Variants in LRP1B observed in about 807,000 individuals in gnomAD.
LRP1B encodes the protein LDL receptor related protein 1B, also known as low-density lipoprotein receptor-related protein 1B.
LRP1B carries 217 observed loss-of-function variants against 556.6 expected under a neutral mutation model. The ratio of observed to expected loss-of-function variants is 0.39; its 90% confidence interval spans 0.35 to 0.44. LRP1B has a LOEUF of 0.44. Ranked by LOEUF, LRP1B falls within the 20% of genes least tolerant of loss-of-function variation. The pLI, the probability that LRP1B is intolerant of heterozygous loss-of-function variation, is 1.00. For synonymous variants in LRP1B, 2,047 were observed against 1,865.8 expected, an observed-to-expected ratio of 1.10 and a Z score of -2.50; for missense variants, 5,053 against 5,620.8, an observed-to-expected ratio of 0.90 and a Z score of 3.23.
chr2:140,663,458 C>G (rs1460080038), intron 41 of LRP1B, among the ~76,000 whole-genome samples: 1 of 152,170 alleles, frequency 6.6e-6, no homozygotes, highest in Admixed American at 6.5e-5. Flanking sequence ...TACATCAGTA[C>G]TTGCTGCTTC....
intron 20 of LRP1B, among the ~76,000 whole-genome samples, chr2:140,923,366 T>G (rs552733523): frequency 6.6e-5 from 10 of 152,172 alleles, no homozygotes; most frequent in African/African-American, 2.4e-4. Flanking sequence ...GATAAAATGA[T>G]GTTTCTTGCC....
At chr2:140,967,467 C>A (rs532993194) in intron 18 of LRP1B, among the ~76,000 whole-genome samples, 1 of 152,142 alleles carries the variant, frequency 6.6e-6, no homozygotes, top group Non-Finnish European at 1.5e-5. Context: ...TCTAAATATA[C>A]AATCATGTCA....
intron 2 of LRP1B, among the ~76,000 whole-genome samples, chr2:141,537,317 C>T (rs1030680086): frequency 6.6e-6 from 1 of 151,906 alleles, no homozygotes; most frequent in African/African-American, 2.4e-5. Context: ...AAATAAATAA[C>T]AAAACAGCAG....
chr2:140,234,249 T>A (rs1475909470), intron 90 of LRP1B, among the ~76,000 whole-genome samples: 1 of 151,310 alleles, frequency 6.6e-6, no homozygotes, highest in East Asian at 2.0e-4. Context: ...TGCATATTTT[T>A]ATTCCTCTTC....
chr2:140,544,495 C>T (rs1243894190), intron 43 of LRP1B, among the ~76,000 whole-genome samples: 1 of 152,048 alleles, frequency 6.6e-6, no homozygotes, highest in Non-Finnish European at 1.5e-5. Context: ...TCCAGTGGGT[C>T]CCAGTGTCTA....
intron 2 of LRP1B, among the ~76,000 whole-genome samples, chr2:141,773,288 A>T (rs1694959125): frequency 6.6e-6 from 1 of 152,200 alleles, no homozygotes; most frequent in African/African-American, 2.4e-5. Flanking sequence ...TTAATTTTTT[A>T]AAAATTTAAC....
chr2:141,457,522 G>A lies in LRP1B; in HGVS notation c.343+22874C>T, dbSNP rs749534229. On this transcript the variant is annotated intron_variant, in intron 3 of 90. Transcript: ENST00000389484. The stretch of plus-strand genomic sequence containing the variant: ...CCTAGGTGATGGGTTGATAGATGCA[G>A]CAAATCATCATGGCACATGTTTACC... Among the ~76,000 whole-genome samples, 116 of 152,056 alleles carry A rather than the reference G, an allele frequency of 7.6e-4. 2 individuals are homozygous for A. The highest frequency in any genetic ancestry group is 5.3e-4 in the Non-Finnish European group (36 of 68,010).
chr2:141,502,519 GA>G (rs1014597333), intron 2 of LRP1B, among the ~76,000 whole-genome samples: 2 of 152,050 alleles, frequency 1.3e-5, no homozygotes, highest in Admixed American at 1.3e-4. Context: ...AAACACTCAA[GA>G]AAAAAATTTA....
At chr2:141,861,276 C>G (rs918229326) in intron 1 of LRP1B, among the ~76,000 whole-genome samples, 2 of 152,148 alleles carry the variant, frequency 1.3e-5, no homozygotes, top group South Asian at 2.1e-4. Flanking sequence ...TTACTCTCCC[C>G]CTTGAGGACT....
intron 1 of LRP1B, among the ~76,000 whole-genome samples, chr2:141,814,048 C>A (rs972559361): frequency 2.0e-5 from 3 of 152,068 alleles, no homozygotes; most frequent in Non-Finnish European, 4.4e-5. Flanking sequence ...TGGCCCGCAA[C>A]CAATTGAGAG....
intron 2 of LRP1B, among the ~76,000 whole-genome samples, chr2:141,671,435 G>A (rs1393659249): frequency 6.6e-6 from 1 of 152,152 alleles, no homozygotes; most frequent in African/African-American, 2.4e-5. Context: ...GGTGGAGTCT[G>A]CAGAGGGTGG....
At chr2:140,630,934 G>A (rs1043231758) in intron 41 of LRP1B, among the ~76,000 whole-genome samples, 26 of 152,092 alleles carry the variant, frequency 1.7e-4, no homozygotes, top group African/African-American at 6.3e-4. Flanking sequence ...CAGAATTCTA[G>A]GATACTTTAC....
intron 2 of LRP1B, among the ~76,000 whole-genome samples, chr2:141,694,948 A>G (rs902036393): frequency 2.0e-5 from 3 of 151,676 alleles, no homozygotes; most frequent in African/African-American, 4.8e-5. Context: ...TTAATTCCCT[A>G]TGTCTCTTTT....
At position 140,495,502 on chromosome 2, in the gene LRP1B, T is replaced by A. The variant is rs958607572; in HGVS notation, c.9034+63A>T. 10 of 1,437,944 alleles carry A rather than the reference T, an allele frequency of 7.0e-6. No homozygotes were observed. In the African/African-American group the frequency reaches 9.8e-5, roughly 14 times the overall value. The allele number at this position is 1,437,944 out of a possible 1,614,324, so 89.1% of individuals were successfully genotyped here. A position where few individuals can be genotyped will look rare whatever the true frequency, so the allele number is the denominator to read the frequency against. ...GAGGAGTGAATTCAATAAGAACGGC[T>A]ATAAAATTCAGGATCCATATGTATA... is the stretch of plus-strand genomic sequence containing the variant. On this transcript the variant is annotated intron_variant, in intron 56 of 90. Transcript: ENST00000389484.
At chr2:140,637,770 C>T (rs1233328444) in intron 41 of LRP1B, among the ~76,000 whole-genome samples, 1 of 152,094 alleles carries the variant, frequency 6.6e-6, no homozygotes, top group African/African-American at 2.4e-5. Flanking sequence ...ATAGGTGGTT[C>T]CTTAACAGCT....
intron 1 of LRP1B, among the ~76,000 whole-genome samples, chr2:141,849,189 C>A (rs1227275177): frequency 6.6e-6 from 1 of 151,572 alleles, no homozygotes; most frequent in Non-Finnish European, 1.5e-5. Context: ...TAATGCTTAA[C>A]TAAATTTTCT....
chr2:141,882,337 T>A (rs887823716), intron 1 of LRP1B, among the ~76,000 whole-genome samples: 2 of 151,990 alleles, frequency 1.3e-5, no homozygotes, highest in African/African-American at 4.8e-5. Flanking sequence ...GTGAATAAAA[T>A]CATAAAAAAT....
chr2:141,496,797 A>G (rs1352486560), intron 2 of LRP1B, among the ~76,000 whole-genome samples: 2 of 152,018 alleles, frequency 1.3e-5, no homozygotes, highest in African/African-American at 4.8e-5. Context: ...AAAAGAATAG[A>G]AAAGAAGAAC....
At chr2:141,187,157 G>A (rs1304746754) in intron 7 of LRP1B, among the ~76,000 whole-genome samples, 1 of 152,000 alleles carries the variant, frequency 6.6e-6, no homozygotes, top group Non-Finnish European at 1.5e-5. Context: ...TTTTCCTAAT[G>A]TCTTTTGAAG....
Sources: gnomAD v4.1 joint callset for allele counts (sites outside exome capture counted in the v4.1 genomes callset) on GRCh38, gnomAD v4.1.1 for gene constraint, MANE v1.5 for transcripts, NCBI Gene and HGNC (gene_info 2026-07-23, HGNC 2026-07-21) for gene names.